OPHN1: variants seen among roughly 807,000 people sequenced by gnomAD.
OPHN1 encodes the protein oligophrenin-1.
A neutral mutation model predicts 60.7 loss-of-function variants in OPHN1; 11 were observed. The observed-to-expected ratio is 0.18, with a 90% confidence interval of 0.11 to 0.30. The LOEUF (loss-of-function observed/expected upper bound fraction) is 0.30, where lower values mean the gene tolerates loss of function less well. Ranked by LOEUF, OPHN1 falls within the 10% of genes least tolerant of loss-of-function variation. OPHN1 has a pLI of 1.00. For missense variants in OPHN1, 449 were observed against 611.0 expected (o/e 0.73, Z 2.80); for synonymous variants, 226 against 222.6 (o/e 1.02, Z -0.14).
chrX:68,170,404 C>T (rs1308545986), intron 15 of OPHN1, among the ~76,000 whole-genome samples: 6 of 107,882 alleles, frequency 5.6e-5, no homozygotes, highest in African/African-American at 1.7e-4. Context: ...ACTAGAAATA[C>T]CATTTGACCC....
intron 19 of OPHN1, among the ~76,000 whole-genome samples, chrX:68,076,162 A>C (rs2076952890): frequency 9.0e-6 from 1 of 111,219 alleles, no homozygotes; most frequent in South Asian, 3.7e-4. Context: ...AGAATAAGCA[A>C]AATATTTGAA....
rs780696773 is a variant in OPHN1 at position 68,286,874 on chromosome X, G to A, written c.251-3757C>T. Among the ~76,000 whole-genome samples the A allele has an allele frequency of 5.8e-4, 63 of 109,220 alleles. 1 individual carries two copies. Among genetic ancestry groups the A allele is most frequent in the African/African-American group, 2.0e-3 (60 of 29,870 alleles). The allele number at this position is 109,220 out of a possible 115,157, so 94.8% of individuals were successfully genotyped here. A position where few individuals can be genotyped will look rare whatever the true frequency, so the allele number is the denominator to read the frequency against. On this transcript the variant is annotated intron_variant, in intron 3 of 24. Coordinates refer to ENST00000355520, the MANE Select transcript of OPHN1 (RefSeq NM_002547.3). ...TACTAAAAATACAAAAATTAGCTGGGCATGGTGGCAGGTGCCTGTAATTCC... is the reference window on the plus strand; with the variant it reads ...TACTAAAAATACAAAAATTAGCTGGACATGGTGGCAGGTGCCTGTAATTCC...
chrX:68,181,631 C>G (rs972992701), intron 15 of OPHN1, among the ~76,000 whole-genome samples: 1 of 110,492 alleles, frequency 9.1e-6, no homozygotes, highest in African/African-American at 3.3e-5. Context: ...TTGAGACCAG[C>G]CCGGCCAACA....
At chrX:68,377,429 TTTA>T (rs919710022) in intron 2 of OPHN1, among the ~76,000 whole-genome samples, 19 of 105,829 alleles carry the variant, frequency 1.8e-4, no homozygotes, top group Non-Finnish European at 2.1e-4. Flanking sequence ...TTTTTTATTT[TTTA>T]TTATTATTAT....
intron 15 of OPHN1, among the ~76,000 whole-genome samples, chrX:68,127,272 C>T (rs909590635): frequency 8.0e-5 from 9 of 111,861 alleles, no homozygotes; most frequent in Non-Finnish European, 1.5e-4. Context: ...GGTTTTAGAA[C>T]GTGGCTGATA....
At chrX:68,382,942 T>A (rs1335937783) in intron 2 of OPHN1, among the ~76,000 whole-genome samples, 1 of 111,461 alleles carries the variant, frequency 9.0e-6, no homozygotes, top group African/African-American at 3.3e-5. Context: ...CACTTTTGTT[T>A]TCGGTGATAG....
rs199810833 is a variant in OPHN1 at position 68,213,972 on chromosome X, C to A, written c.487G>T (p.Ala163Ser). 9.1e-7 allele frequency: 1 copy of A among 1,102,749 alleles called. No homozygotes were observed. 90.9% of individuals were successfully genotyped at this position (1,102,749 alleles called of 1,213,427 possible). A position where few individuals can be genotyped will look rare whatever the true frequency, so the allele number is the denominator to read the frequency against. ...CTCTCCTTGTCCACCTGTAGGTCTG[C>A]CTGTAGAAGAAGGAAAACAAACATT... ...SKKKESQLQE[A>S]DLQVDKERHN... Residue 163 changes from alanine to serine, a missense_variant and splice_region_variant, in exon 7 of 25, where the codon GCA becomes TCA. Physicochemically the swap from Ala to Ser is moderately conservative, Grantham distance 99 (BLOSUM62 1). Around this residue, in one of 4 missense-constraint regions of OPHN1, gnomAD observed 99 missense variants for 155.2 expected, o/e 0.64. Transcript: ENST00000355520.
intron 2 of OPHN1, among the ~76,000 whole-genome samples, chrX:68,395,801 G>A (rs2078680682): frequency 9.1e-6 from 1 of 110,122 alleles, no homozygotes; most frequent in African/African-American, 3.3e-5. Flanking sequence ...GTCCAGGATG[G>A]TCACAAACTC....
intron 2 of OPHN1, among the ~76,000 whole-genome samples, chrX:68,301,382 G>A (rs2078119480): frequency 2.0e-5 from 2 of 102,235 alleles, no homozygotes; most frequent in Non-Finnish European, 3.9e-5. Context: ...GGAGGTGGAG[G>A]TTGCAGCGAG....
At chrX:68,228,948 A>G (rs1285743500) in intron 6 of OPHN1, among the ~76,000 whole-genome samples, 2 of 110,824 alleles carry the variant, frequency 1.8e-5, no homozygotes, top group African/African-American at 6.6e-5. Context: ...AGGGTATTCA[A>G]TTAGGAAATG....
At chrX:68,282,285 C>T (rs1054821301) in intron 4 of OPHN1, among the ~76,000 whole-genome samples, 1 of 111,660 alleles carries the variant, frequency 9.0e-6, no homozygotes, top group Non-Finnish European at 1.9e-5. Flanking sequence ...GTCAAATACG[C>T]CAATCTGAAA....
chrX:68,287,115 AAGAAAG>A (rs1402366954), intron 3 of OPHN1, among the ~76,000 whole-genome samples: 109 of 100,404 alleles, frequency 1.1e-3, no homozygotes, highest in African/African-American at 3.7e-3. Context: ...GAAGAAAAAA[AAGAAAG>A]AGAGAGAGAA....
At chrX:68,152,763 C>A (rs777109554) in intron 15 of OPHN1, among the ~76,000 whole-genome samples, 2 of 110,607 alleles carry the variant, frequency 1.8e-5, no homozygotes, top group African/African-American at 6.6e-5. Context: ...CTATTGATTC[C>A]CTCTTAATAT....
intron 2 of OPHN1, among the ~76,000 whole-genome samples, chrX:68,331,872 A>G (rs2078296872): frequency 9.1e-6 from 1 of 110,103 alleles, no homozygotes; most frequent in Non-Finnish European, 1.9e-5. Context: ...TGTCTCTACT[A>G]AAACTACAAA....
intron 8 of OPHN1, among the ~76,000 whole-genome samples, chrX:68,210,828 C>T (rs751560156): frequency 8.9e-6 from 1 of 111,987 alleles, no homozygotes; most frequent in Non-Finnish European, 1.9e-5. Flanking sequence ...TAAATCTACA[C>T]AACTAAAACA....
At chrX:68,428,203 A>T (rs1188274579) in intron 2 of OPHN1, among the ~76,000 whole-genome samples, 1 of 112,123 alleles carries the variant, frequency 8.9e-6, no homozygotes, top group Non-Finnish European at 1.9e-5. Flanking sequence ...TTACTAGTTG[A>T]GAAAGTTACT....
chrX:68,145,493 G>C (rs1244046729), intron 15 of OPHN1, among the ~76,000 whole-genome samples: 1 of 111,755 alleles, frequency 8.9e-6, no homozygotes, highest in African/African-American at 3.2e-5. Context: ...GCATACTAAT[G>C]TTTTTTATTC....
chrX:68,329,909 G>A (rs1008120662), intron 2 of OPHN1, among the ~76,000 whole-genome samples: 3 of 111,547 alleles, frequency 2.7e-5, no homozygotes, highest in African/African-American at 6.5e-5. Context: ...TCTAACTGGA[G>A]GGCAAGTTAT....
intron 20 of OPHN1, among the ~76,000 whole-genome samples, chrX:68,070,058 G>C (rs1461114709): frequency 9.0e-6 from 1 of 111,418 alleles, no homozygotes; most frequent in African/African-American, 3.3e-5. Flanking sequence ...GGAATGATGT[G>C]ATCTGATTTC....
Sources: gnomAD v4.1 joint callset for allele counts (sites outside exome capture counted in the v4.1 genomes callset) on GRCh38, gnomAD v4.1.1 for gene constraint, gnomAD v4.1.1 regional missense constraint, MANE v1.5 for transcripts, NCBI Gene and HGNC (gene_info 2026-07-23, HGNC 2026-07-21) for gene names.